PLPPR1: variants seen among roughly 807,000 people sequenced by gnomAD.
PLPPR1 encodes the protein phospholipid phosphatase related 1.
PLPPR1 carries 10 observed loss-of-function variants against 33.1 expected under a neutral mutation model. The ratio of observed to expected loss-of-function variants is 0.30; its 90% CI spans 0.19 to 0.51. The LOEUF is 0.51. Among genes scored for constraint, PLPPR1 ranks in the 20% least tolerant of loss-of-function variants. The probability of loss-of-function intolerance (pLI) is 0.97; values close to 1 mark genes in which losing one functional copy is unlikely to be tolerated. For synonymous variants in PLPPR1, 151 were observed against 151.0 expected (o/e 1.00, Z 0.00); for missense variants, 304 against 408.1 (o/e 0.74, Z 2.20).
In PLPPR1 at chr9:101,312,913, G is replaced by C; in HGVS notation, c.752G>C (p.Arg251Pro). 1 of 1,614,108 alleles carries C rather than the reference G, an allele frequency of 6.2e-7. No homozygotes were observed. Among genetic ancestry groups the C allele is most frequent in the Non-Finnish European group, 8.5e-7 (1 of 1,180,018 alleles). The change falls in exon 6 of 8, where the codon CGG becomes CCG. Residue 251 changes from arginine (R) to proline (P), a missense_variant. Transcript: ENST00000374874. ...GGCCTCAACCGGGTCTCTGAGTATC[G>C]GAACCACTGCTCGGACGTGATTGCT... The part of the protein sequence containing the change: ...LTGLNRVSEY[R>P]NHCSDVIAGF...
intron 2 of PLPPR1, 86 bp downstream of exon 2, chr9:101,185,643 A>G: frequency 1.2e-6 from 1 of 805,488 alleles, no homozygotes; most frequent in Non-Finnish European, 2.0e-6. Flanking sequence ...TTATAAAATT[A>G]ATTTTATGAT....
At chr9:101,136,557 T>G (rs1296492873) in intron 1 of PLPPR1, among the ~76,000 whole-genome samples, 1 of 152,248 alleles carries the variant, frequency 6.6e-6, no homozygotes, top group Non-Finnish European at 1.5e-5. Context: ...ATTGAATCTT[T>G]TACTCATAAA....
rs7867039 is a variant in PLPPR1 at position 101,084,641 on chromosome 9, G to A, written c.-46+55539G>A. Among the ~76,000 whole-genome samples the A allele has an allele frequency of 3.7e-3, 566 of 152,288 alleles. 7 individuals carry two copies. Among genetic ancestry groups the A allele is most frequent in the African/African-American group, 0.013 (543 of 41,564 alleles). ...ACGATGTGACAGTTTGCTTTGCAAG[G>A]CTTCTTTGGTTTGTTACAGTTCTGT... On this transcript the variant is annotated intron_variant, in intron 1 of 7. Coordinates refer to ENST00000374874, the MANE Select transcript of PLPPR1 (RefSeq NM_207299.2).
chr9:101,286,220 G>A lies in PLPPR1; in HGVS notation c.369G>A (p.Arg123=). The change falls in exon 4 of 8, where the codon AGG becomes AGA. Residue 123 remains arginine (R), a synonymous_variant. Coordinates refer to ENST00000374874, the MANE Select transcript of PLPPR1 (RefSeq NM_207299.2). ...GTTACCTGAACCCCTTACTTCGAAG[G>A]ATCATAAGATTCACAGGTGAGTACA... The part of the protein sequence containing the change: ...ECCYLNPLLR[R]IIRFTGVFAF... The A allele has an allele frequency of 6.2e-7, 1 of 1,613,662 alleles. No homozygotes were observed. The highest frequency in any genetic ancestry group is 1.1e-5 in the South Asian group (1 of 91,008).
At chr9:101,263,051 G>A (rs1458066492) in intron 2 of PLPPR1, among the ~76,000 whole-genome samples, 1 of 152,118 alleles carries the variant, frequency 6.6e-6, no homozygotes, top group East Asian at 1.9e-4. Flanking sequence ...AATACCTAAT[G>A]TACATGACAG....
intron 7 of PLPPR1, among the ~76,000 whole-genome samples, chr9:101,321,098 C>T (rs759827605): frequency 3.3e-5 from 5 of 152,292 alleles, no homozygotes; most frequent in Admixed American, 6.5e-5. Flanking sequence ...CTGTTAGAAA[C>T]GGCATCTTTG....
At chr9:101,136,080 C>G (rs1412474135) in intron 1 of PLPPR1, among the ~76,000 whole-genome samples, 1 of 152,194 alleles carries the variant, frequency 6.6e-6, no homozygotes, top group Non-Finnish European at 1.5e-5. Flanking sequence ...CTCTCCTTCA[C>G]CTCTGAGTGG....
At chr9:101,277,650 C>A (rs529100298) in intron 3 of PLPPR1, among the ~76,000 whole-genome samples, 29 of 152,168 alleles carry the variant, frequency 1.9e-4, no homozygotes, top group Non-Finnish European at 3.8e-4. Context: ...TGTAGTAAAA[C>A]TTCTTCATTT....
chr9:101,247,793 G>A (rs1827640148), intron 2 of PLPPR1, among the ~76,000 whole-genome samples: 1 of 151,856 alleles, frequency 6.6e-6, no homozygotes, highest in African/African-American at 2.4e-5. Flanking sequence ...TCAGGCCCAG[G>A]GTACTCCTTG....
chr9:101,043,313 G>GTATATATACACACGTGTA (rs140356008), intron 1 of PLPPR1, among the ~76,000 whole-genome samples: 1 of 150,774 alleles, frequency 6.6e-6, no homozygotes, highest in African/African-American at 2.4e-5. Context: ...GTATATATGT[G>GTATATATACACACGTGTA]TATATACACA....
At chr9:101,191,269 T>C (rs924338903) in intron 2 of PLPPR1, among the ~76,000 whole-genome samples, 3 of 152,162 alleles carry the variant, frequency 2.0e-5, no homozygotes, top group Non-Finnish European at 4.4e-5. Context: ...TTAATGAACA[T>C]GAGGACATCT....
chr9:101,261,331 C>T (rs1233215940), intron 2 of PLPPR1, among the ~76,000 whole-genome samples: 1 of 152,142 alleles, frequency 6.6e-6, no homozygotes, highest in East Asian at 1.9e-4. Flanking sequence ...GCTATTTTAA[C>T]ATTTTTGTTG....
intron 2 of PLPPR1, among the ~76,000 whole-genome samples, chr9:101,232,834 A>T (rs1364093185): frequency 6.6e-6 from 1 of 151,968 alleles, no homozygotes; most frequent in Non-Finnish European, 1.5e-5. Flanking sequence ...AAAGGCACTC[A>T]ACATTACGAG....
intron 4 of PLPPR1, among the ~76,000 whole-genome samples, chr9:101,305,689 C>A (rs966991329): frequency 6.6e-6 from 1 of 152,004 alleles, no homozygotes; most frequent in African/African-American, 2.4e-5. Context: ...TGGAATGAGG[C>A]CTGTTATTGT....
intron 1 of PLPPR1, among the ~76,000 whole-genome samples, chr9:101,043,327 GTATA>G (rs906009609): frequency 3.3e-5 from 5 of 150,830 alleles, no homozygotes; most frequent in African/African-American, 1.2e-4. Context: ...ATACACACGT[GTATA>G]TATACACACA....
At chr9:101,057,945 G>A (rs1489653278) in intron 1 of PLPPR1, among the ~76,000 whole-genome samples, 1 of 152,068 alleles carries the variant, frequency 6.6e-6, no homozygotes, top group Non-Finnish European at 1.5e-5. Flanking sequence ...GAGAAAGTGG[G>A]CCTGGGGAGT....
At chr9:101,301,236 G>T (rs1234523024) in intron 4 of PLPPR1, among the ~76,000 whole-genome samples, 1 of 152,064 alleles carries the variant, frequency 6.6e-6, no homozygotes, top group East Asian at 1.9e-4. Context: ...TTAATACAAA[G>T]GATGAATAAC....
At chr9:101,156,061 A>G (rs1485447892) in intron 1 of PLPPR1, among the ~76,000 whole-genome samples, 1 of 152,224 alleles carries the variant, frequency 6.6e-6, no homozygotes, top group African/African-American at 2.4e-5. Context: ...GGGTTATAGC[A>G]GAGAACAAAA....
chr9:101,149,006 T>C (rs1026511686), intron 1 of PLPPR1, among the ~76,000 whole-genome samples: 1 of 152,198 alleles, frequency 6.6e-6, no homozygotes, highest in African/African-American at 2.4e-5. Flanking sequence ...CACTATCTTT[T>C]ATTTAAAACT....
Sources: gnomAD v4.1 joint callset for allele counts (sites outside exome capture counted in the v4.1 genomes callset) on GRCh38, gnomAD v4.1.1 for gene constraint, MANE v1.5 for transcripts, NCBI Gene and HGNC (gene_info 2026-07-23, HGNC 2026-07-21) for gene names.